VPS8: variants seen among roughly 807,000 people sequenced by gnomAD.
The protein encoded by VPS8 is vacuolar protein sorting-associated protein 8 homolog.
In VPS8, 129 loss-of-function variants were observed where a neutral mutation model predicts 216.4. That is an observed-to-expected ratio of 0.60 (90% CI 0.52 to 0.69). VPS8 has a LOEUF of 0.69. Among genes scored for constraint, VPS8 ranks in the 30% least tolerant of loss-of-function variants. VPS8 has a pLI of 0.00. For synonymous variants in VPS8, 571 were observed against 565.4 expected, an observed-to-expected ratio of 1.01 and a Z score of -0.14; for missense variants, 1,531 against 1,683.5, an observed-to-expected ratio of 0.91 and a Z score of 1.59.
chr3:184,823,994 G>A (rs992486095), intron 1 of VPS8, among the ~76,000 whole-genome samples: 2 of 152,174 alleles, frequency 1.3e-5, no homozygotes, highest in African/African-American at 4.8e-5. Flanking sequence ...TGGGGTCATT[G>A]TTGTTTCCTT....
chr3:185,051,790 C>G lies in VPS8; in HGVS notation c.4138-86C>G. 3.5e-6 allele frequency: 5 copies of G among 1,432,056 alleles called. No individual in the cohort carries two copies. In the South Asian group the frequency reaches 6.0e-5, roughly 17 times the overall value. The allele number at this position is 1,432,056 out of a possible 1,614,324, so 88.7% of individuals were successfully genotyped here. ...CTACTCCTGCAACACAGCACTGTCT[C>G]TCATGTATCTGAAGCAGTGGATTCA... On this transcript the variant is annotated intron_variant, in intron 47 of 47. Transcript: ENST00000625842.
Position 184,851,870 on chromosome 3 carries a change from C to T in VPS8, c.754-630C>T, listed in dbSNP as rs139197535. ...TCCATTTTGTGTCATGCAGCATTGA[C>T]CATACTTCAGGTCACCTTAGGACTG... On this transcript the variant is annotated intron_variant, in intron 10 of 47. Coordinates refer to ENST00000625842, the MANE Select transcript of VPS8 (RefSeq NM_001009921.3). Among the ~76,000 whole-genome samples, 4 of 152,302 alleles carry T rather than the reference C, an allele frequency of 2.6e-5. No individual in the cohort carries two copies. In the East Asian group the frequency reaches 7.7e-4, roughly 29 times the overall value.
At chr3:185,036,970 TTA>T in intron 46 of VPS8, among the ~76,000 whole-genome samples, 1 of 152,164 alleles carries the variant, frequency 6.6e-6, no homozygotes, top group East Asian at 1.9e-4. Context: ...TATACACATT[TTA>T]TATGACTGCT....
At chr3:184,893,231 C>T in intron 22 of VPS8, 2 of 1,276,392 alleles carry the variant, frequency 1.6e-6, no homozygotes, top group Middle Eastern at 2.2e-4. Context: ...TGTCCCCTTC[C>T]AGGACTTCAG....
chr3:184,898,200 C>T (rs1364294035), intron 23 of VPS8, among the ~76,000 whole-genome samples: 1 of 152,058 alleles, frequency 6.6e-6, no homozygotes, highest in Non-Finnish European at 1.5e-5. Context: ...GGGACAAAGT[C>T]TGGATTTATC....
At chr3:185,028,047 T>C (rs1757632338) in intron 46 of VPS8, among the ~76,000 whole-genome samples, 2 of 152,214 alleles carry the variant, frequency 1.3e-5, no homozygotes, top group Non-Finnish European at 2.9e-5. Context: ...TTTTAGCTAA[T>C]GAGGCAAGTC....
intron 16 of VPS8, among the ~76,000 whole-genome samples, chr3:184,865,498 A>G (rs536487400): frequency 3.5e-4 from 54 of 152,338 alleles, no homozygotes; most frequent in African/African-American, 1.3e-3. Context: ...AGAGCTGCTC[A>G]ACATCATTAG....
At chr3:184,982,513 C>T in intron 40 of VPS8, 53 bp from the exon 41 acceptor site, 1 of 1,350,214 alleles carries the variant, frequency 7.4e-7, no homozygotes. Context: ...TTTTGTTTTT[C>T]ATTGTTTTCT....
intron 32 of VPS8, among the ~76,000 whole-genome samples, chr3:184,929,284 C>G (rs1740251190): frequency 1.3e-5 from 2 of 152,188 alleles, no homozygotes; most frequent in South Asian, 4.1e-4. Context: ...GCCTTAACCT[C>G]CTGGTCTCAA....
At chr3:184,949,372 A>G (rs200772756) in intron 36 of VPS8, among the ~76,000 whole-genome samples, 26 of 152,302 alleles carry the variant, frequency 1.7e-4, no homozygotes, top group African/African-American at 5.8e-4. Context: ...AAAGTGACCA[A>G]ATCCCCTACA....
chr3:184,979,929 G>A (rs1234792594), intron 40 of VPS8, among the ~76,000 whole-genome samples: 2 of 152,134 alleles, frequency 1.3e-5, no homozygotes, highest in Non-Finnish European at 2.9e-5. Flanking sequence ...TTTTGTGGTG[G>A]CCAGTAATAG....
At chr3:184,925,827 G>A (rs1319722971) in intron 30 of VPS8, among the ~76,000 whole-genome samples, 1 of 145,974 alleles carries the variant, frequency 6.9e-6, no homozygotes, top group Non-Finnish European at 1.5e-5. Context: ...AGGCTGGAGT[G>A]CAGCAGCACG....
At chr3:184,907,316 A>G (rs1319108729) in intron 25 of VPS8, among the ~76,000 whole-genome samples, 7 of 152,354 alleles carry the variant, frequency 4.6e-5, no homozygotes, top group Admixed American at 3.3e-4. Flanking sequence ...GAAAGAAATT[A>G]GATATGCATT....
intron 36 of VPS8, among the ~76,000 whole-genome samples, chr3:184,948,563 C>T (rs976408553): frequency 2.5e-4 from 38 of 152,194 alleles, no homozygotes; most frequent in African/African-American, 7.2e-4. Context: ...AGTCAAGCCA[C>T]GGACTTTACC....
At chr3:184,914,881 A>G in intron 26 of VPS8, 100 bp from the exon 27 acceptor site, 3 of 1,197,578 alleles carry the variant, frequency 2.5e-6, no homozygotes, top group Non-Finnish European at 3.7e-6. Context: ...GCCTACTTAC[A>G]AATTGAACTA....
chr3:184,862,860 G>A, intron 15 of VPS8, 37 bp from the exon 16 acceptor site: 1 of 1,592,222 alleles, frequency 6.3e-7, no homozygotes, highest in Middle Eastern at 1.7e-4. Flanking sequence ...AAGCGGGTGT[G>A]GTCTCACTTT....
chr3:185,049,650 T>C (rs1435190096), intron 47 of VPS8, among the ~76,000 whole-genome samples: 1 of 152,066 alleles, frequency 6.6e-6, no homozygotes, highest in Admixed American at 6.6e-5. Context: ...CTCCACCACC[T>C]AAAGAATGAG....
intron 5 of VPS8, chr3:184,836,417 G>A: frequency 2.4e-6 from 1 of 420,372 alleles, no homozygotes; most frequent in Middle Eastern, 3.8e-4. Flanking sequence ...AATATTTTGA[G>A]TAATGGAGAC....
At chr3:184,834,843 C>T in intron 5 of VPS8, 101 bp downstream of exon 5, 1 of 882,994 alleles carries the variant, frequency 1.1e-6, no homozygotes, top group Non-Finnish European at 1.7e-6. Context: ...TGGCCCGAGG[C>T]TTAAGAAAAA....
Sources: allele counts gnomAD v4.1 joint callset (sites outside exome capture counted in the v4.1 genomes callset), GRCh38; gene constraint gnomAD v4.1.1; transcripts MANE v1.5; gene names NCBI Gene and HGNC (gene_info 2026-07-23, HGNC 2026-07-21).